Variants in PIK3R6 observed in about 807,000 individuals in gnomAD.
PIK3R6 encodes phosphoinositide-3-kinase regulatory subunit 6.
In PIK3R6, 91 loss-of-function variants were observed where a neutral mutation model predicts 84.9. The ratio of observed to expected loss-of-function variants is 1.07; its 90% CI spans 0.90 to 1.28. PIK3R6 has a LOEUF of 1.28. PIK3R6 is among the 50% of genes most tolerant of loss of function. PIK3R6 has a pLI of 0.00. For synonymous variants in PIK3R6, 416 were observed against 411.4 expected, an observed-to-expected ratio of 1.01 and a Z score of -0.13; for missense variants, 996 against 985.1, an observed-to-expected ratio of 1.01 and a Z score of -0.15.
chr17:8,831,328 T>TAAAAAAAAAAA lies in PIK3R6; in HGVS notation c.803-1547_803-1537dup, dbSNP rs60650147. Among the ~76,000 whole-genome samples the TAAAAAAAAAAA allele has an allele frequency of 2.6e-3, 87 of 33,078 alleles. 11 individuals are homozygous for TAAAAAAAAAAA. The highest frequency in any genetic ancestry group is 4.1e-3 in the Admixed American group (9 of 2,218). 21.7% of individuals were successfully genotyped at this position (33,078 alleles called of 152,430 possible). On this transcript the variant is annotated intron_variant, in intron 9 of 19. Transcript: ENST00000619866. ...CTGGGTGACAGAGCAAGACCCTGTC[T>TAAAAAAAAAAA]AAAAAAAAAAAAAAAAAAAAAAAAA...
intron 18 of PIK3R6, among the ~76,000 whole-genome samples, chr17:8,815,343 T>C (rs918281667): frequency 8.6e-5 from 13 of 151,956 alleles, no homozygotes; most frequent in Non-Finnish European, 7.4e-5. Context: ...CCATCTCTAC[T>C]AAAAATACAA....
In PIK3R6 at chr17:8,832,931, TCTC is replaced by T. The variant is rs1429327866; in HGVS notation, c.757_759del (p.Glu253del). Reference sequence around the variant, plus strand: ...GCGGGACCCAGCAGCGAGCAGTAAATCTCCTCCAGCCTCTCTACGTGTCCCTCC... The same window carrying T: ...GCGGGACCCAGCAGCGAGCAGTAAATCTCCAGCCTCTCTACGTGTCCCTCC... On this transcript the variant is annotated inframe_deletion, in exon 9 of 20. Transcript: ENST00000619866. The T allele has an allele frequency of 1.7e-5, 27 of 1,612,788 alleles. No homozygotes were observed. Among genetic ancestry groups the T allele is most frequent in the Non-Finnish European group, 2.2e-5 (26 of 1,179,702 alleles).
chr17:8,852,583 A>T (rs1012777258), intron 1 of PIK3R6, among the ~76,000 whole-genome samples: 1 of 151,972 alleles, frequency 6.6e-6, no homozygotes, highest in Non-Finnish European at 1.5e-5. Flanking sequence ...ACTAAAAAAT[A>T]AAAAAATTAG....
intron 5 of PIK3R6, 48 bp from the exon 6 acceptor site, chr17:8,836,971 A>C: frequency 3.6e-6 from 3 of 842,826 alleles, no homozygotes; most frequent in Non-Finnish European, 3.5e-6. Context: ...GGTGGAGGTA[A>C]GAGGGAGGAG....
At chr17:8,854,302 C>T (rs2151305385) in intron 1 of PIK3R6, among the ~76,000 whole-genome samples, 1 of 152,244 alleles carries the variant, frequency 6.6e-6, no homozygotes, top group South Asian at 2.1e-4. Flanking sequence ...GCACACGCCA[C>T]CATGCCCAGG....
chr17:8,845,971 G>A (rs765906154), intron 2 of PIK3R6, among the ~76,000 whole-genome samples: 3 of 152,154 alleles, frequency 2.0e-5, no homozygotes, highest in Non-Finnish European at 2.9e-5. Flanking sequence ...AAGCTTTTTA[G>A]TGTAATTAGG....
At chr17:8,857,963 G>A (rs1035330382) in intron 1 of PIK3R6, among the ~76,000 whole-genome samples, 1 of 151,032 alleles carries the variant, frequency 6.6e-6, no homozygotes, top group Non-Finnish European at 1.5e-5. Context: ...CTGTCAGAAA[G>A]CCTCCCTATT....
intron 1 of PIK3R6, among the ~76,000 whole-genome samples, chr17:8,861,306 A>G (rs1014424495): frequency 2.4e-4 from 36 of 152,282 alleles, no homozygotes; most frequent in African/African-American, 8.7e-4. Context: ...TGGGCTGGGC[A>G]TTAGGGTTGC....
rs1555533210 is a variant in PIK3R6 at position 8,829,515 on chromosome 17, C to CGT, written c.889+190_889+191insAC. ...ACACACACACTGACACACACTCATGCATACACACACACTGACACACGCATG... is the reference window on the plus strand; with the variant it reads ...ACACACACACTGACACACACTCATGCGTATACACACACACTGACACACGCATG... On this transcript the variant is annotated intron_variant, in intron 10 of 19. Coordinates refer to ENST00000619866, the MANE Select transcript of PIK3R6 (RefSeq NM_001010855.4). Among the ~76,000 whole-genome samples, 9 of 119,642 alleles carry CGT rather than the reference C, an allele frequency of 7.5e-5. No individual in the cohort carries two copies. The East Asian group carries it at 2.0e-3, about 26-fold the overall frequency. The allele number at this position is 119,642 out of a possible 152,430, so 78.5% of individuals were successfully genotyped here. A position where few individuals can be genotyped will look rare whatever the true frequency, so the allele number is the denominator to read the frequency against.
At chr17:8,847,515 C>T (rs1467312938) in intron 2 of PIK3R6, among the ~76,000 whole-genome samples, 1 of 152,098 alleles carries the variant, frequency 6.6e-6, no homozygotes, top group East Asian at 1.9e-4. Flanking sequence ...TAAAAACAAT[C>T]ACAGGCCAGG....
rs1215484533 is a variant in PIK3R6 at position 8,822,547 on chromosome 17, A to G, written c.1788+40T>C. The G allele has an allele frequency of 1.9e-6, 3 of 1,601,388 alleles. No homozygotes were observed. In the East Asian group the frequency reaches 6.7e-5, roughly 36 times the overall value. On this transcript the variant is annotated intron_variant, in intron 16 of 19. Transcript: ENST00000619866. ...CCAGAGGCCTGCTCCCTCCAGCTGTACCTCTTGGCTACCTACTGACCACGT... is the reference window on the plus strand; with the variant it reads ...CCAGAGGCCTGCTCCCTCCAGCTGTGCCTCTTGGCTACCTACTGACCACGT...
At chr17:8,838,392 G>T in intron 4 of PIK3R6, 172 bp downstream of exon 4, 1 of 567,720 alleles carries the variant, frequency 1.8e-6, no homozygotes, top group Non-Finnish European at 3.1e-6. Context: ...AATGAGAGTC[G>T]ACGTAAAGAA....
In PIK3R6 at chr17:8,822,990, GC is replaced by G; in HGVS notation, c.1717+5del. 1 of 1,589,212 alleles carries G rather than the reference GC, an allele frequency of 6.3e-7. No homozygotes were observed. Among genetic ancestry groups the G allele is most frequent in the Non-Finnish European group, 8.6e-7 (1 of 1,157,418 alleles). On this transcript the variant is annotated splice_donor_5th_base_variant and intron_variant, in intron 15 of 19. Coordinates refer to ENST00000619866, the MANE Select transcript of PIK3R6 (RefSeq NM_001010855.4). ...GACCTTTGGCAAAAGGGAGGCAGAT[GC>G]TTACCTTTGGGGAATTTAGAATCTT... is the stretch of plus-strand genomic sequence containing the variant.
chr17:8,812,196 C>CAA, intron 18 of PIK3R6, among the ~76,000 whole-genome samples: 2 of 152,264 alleles, frequency 1.3e-5, no homozygotes, highest in Middle Eastern at 3.4e-3. Context: ...AGACCTACCC[C>CAA]CATGATTCAA....
chr17:8,837,719 G>T, intron 5 of PIK3R6, 84 bp downstream of exon 5: 1 of 1,215,926 alleles, frequency 8.2e-7, no homozygotes. Flanking sequence ...TCCTGGCGGA[G>T]ACTGAGTGCC....
Position 8,862,286 on chromosome 17 carries a change from CA to C in PIK3R6, c.-92+5242del, listed in dbSNP as rs1258269864. On this transcript the variant is annotated intron_variant, in intron 1 of 19. Transcript: ENST00000619866. The surrounding 1 kb of genome is among the most constrained non-coding windows in gnomAD (Gnocchi z 4.3). Reference sequence around the variant, plus strand: ...CCCCATTACCTGACACTGTTTATACCACATGGAAGGCCCTTGATAAATATGC... The same window carrying C: ...CCCCATTACCTGACACTGTTTATACCCATGGAAGGCCCTTGATAAATATGC... Among the ~76,000 whole-genome samples the C allele has an allele frequency of 3.3e-5, 5 of 152,148 alleles. No homozygotes were observed. The highest frequency in any genetic ancestry group is 1.2e-4 in the African/African-American group (5 of 41,426).
In PIK3R6 at chr17:8,803,707, G is replaced by C. The variant is rs754791931; in HGVS notation, c.2109-278C>G. Reference sequence around the variant, plus strand: ...GAAGCCAGTAAGGGTCAGCTAACTGGAACACAGATGCCACAGGTCAGCCTG... The same window carrying C: ...GAAGCCAGTAAGGGTCAGCTAACTGCAACACAGATGCCACAGGTCAGCCTG... On this transcript the variant is annotated intron_variant, in intron 19 of 19. Transcript: ENST00000619866. The surrounding 1 kb of genome is among the most constrained non-coding windows in gnomAD (Gnocchi z 5.0). 2.9e-5 allele frequency: 16 copies of C among 549,198 alleles called. No individual in the cohort carries two copies. Among genetic ancestry groups the C allele is most frequent in the East Asian group, 6.2e-5 (2 of 32,442 alleles). The allele number at this position is 549,198 out of a possible 1,614,324, so 34.0% of individuals were successfully genotyped here. A position where few individuals can be genotyped will look rare whatever the true frequency, so the allele number is the denominator to read the frequency against.
chr17:8,810,492 G>C (rs751919968), intron 18 of PIK3R6, among the ~76,000 whole-genome samples: 1 of 148,300 alleles, frequency 6.7e-6, no homozygotes, highest in Non-Finnish European at 1.5e-5. Context: ...TTACTGAAAA[G>C]TCCACAGTCC....
In PIK3R6 at chr17:8,844,084, A is replaced by T. The variant is rs17206176; in HGVS notation, c.14-4387T>A. Among the ~76,000 whole-genome samples, 203 of 152,314 alleles carry T rather than the reference A, an allele frequency of 1.3e-3. 1 individual carries two copies. In the East Asian group the frequency reaches 0.029, roughly 21 times the overall value. ...AATCAGACCGGCTGGGACAAAGCTTACCAGTGGCGGCAAAGGTCAGATGAA... is the reference window on the plus strand; with the variant it reads ...AATCAGACCGGCTGGGACAAAGCTTTCCAGTGGCGGCAAAGGTCAGATGAA... On this transcript the variant is annotated intron_variant, in intron 2 of 19. Coordinates refer to ENST00000619866, the MANE Select transcript of PIK3R6 (RefSeq NM_001010855.4). The surrounding 1 kb of genome is among the most constrained non-coding windows in gnomAD (Gnocchi z 4.5).
Sources: allele counts gnomAD v4.1 joint callset (sites outside exome capture counted in the v4.1 genomes callset), GRCh38; gene constraint gnomAD v4.1.1; non-coding constraint Gnocchi (gnomAD v3.1); transcripts MANE v1.5; gene names NCBI Gene and HGNC (gene_info 2026-07-23, HGNC 2026-07-21).